The following SDHAF4 variants were observed in gnomAD, a reference collection of about 807,000 sequenced individuals.
The protein encoded by SDHAF4 is succinate dehydrogenase assembly factor 4, mitochondrial.
A neutral mutation model predicts 14.3 loss-of-function variants in SDHAF4; 14 were observed. That is an observed-to-expected ratio of 0.98 (90% CI 0.65 to 1.53). SDHAF4 has a LOEUF of 1.53. Among genes scored for constraint, SDHAF4 ranks in the 40% most tolerant of loss-of-function variants. The pLI is 0.00. For synonymous variants in SDHAF4, 63 were observed against 47.3 expected (o/e 1.33, Z -1.36); for missense variants, 141 against 129.3 (o/e 1.09, Z -0.44).
chr6:70,570,197 CATG>C (rs1183488298), intron 1 of SDHAF4, among the ~76,000 whole-genome samples: 4 of 152,114 alleles, frequency 2.6e-5, no homozygotes, highest in Non-Finnish European at 4.4e-5. Context: ...TGTACAGAAA[CATG>C]ATGCTTAATG....
At chr6:70,583,846 G>T (rs1462150616) in intron 2 of SDHAF4, among the ~76,000 whole-genome samples, 1 of 152,194 alleles carries the variant, frequency 6.6e-6, no homozygotes, top group Non-Finnish European at 1.5e-5. Flanking sequence ...TAGACACACA[G>T]GTTCAGCTCA....
intron 2 of SDHAF4, 22 bp downstream of exon 2, chr6:70,579,588 T>C: frequency 6.4e-7 from 1 of 1,551,806 alleles, no homozygotes; most frequent in East Asian, 2.3e-5. Context: ...AAAGCACCTC[T>C]CAGTTTTTGA....
At chr6:70,584,012 G>GGTTGCT (rs537762847) in intron 2 of SDHAF4, among the ~76,000 whole-genome samples, 1 of 151,336 alleles carries the variant, frequency 6.6e-6, no homozygotes, top group Non-Finnish European at 1.5e-5. Context: ...AGTTGAGTGA[G>GGTTGCT]GTTGTTGTTG....
chr6:70,570,882 CA>C (rs1391480321), intron 1 of SDHAF4, among the ~76,000 whole-genome samples: 1 of 151,038 alleles, frequency 6.6e-6, no homozygotes. Context: ...TCTTTTAAAC[CA>C]AAAAATCTCC....
chr6:70,570,182 G>A (rs1490290647), intron 1 of SDHAF4, among the ~76,000 whole-genome samples: 1 of 152,000 alleles, frequency 6.6e-6, no homozygotes, highest in Non-Finnish European at 1.5e-5. Flanking sequence ...TCTGACTGTT[G>A]TTTATGTACA....
At chr6:70,569,255 C>T (rs945480623) in intron 1 of SDHAF4, among the ~76,000 whole-genome samples, 38 of 151,856 alleles carry the variant, frequency 2.5e-4, no homozygotes, top group Admixed American at 2.2e-3. Context: ...TGAGCCACCG[C>T]ACCCGGCCTC....
chr6:70,590,246 A>G (rs1353097599), downstream of SDHAF4, among the ~76,000 whole-genome samples: 1 of 152,188 alleles, frequency 6.6e-6, no homozygotes. Flanking sequence ...TCAAAAAAAA[A>G]AATAAAAAGC....
At chr6:70,591,323 TGAGAG>T (rs1234505505), downstream of SDHAF4, among the ~76,000 whole-genome samples, 2 of 150,386 alleles carry the variant, frequency 1.3e-5, no homozygotes, top group Non-Finnish European at 3.0e-5. Context: ...CTAGGCGTTG[TGAGAG>T]GAAAGATTTT....
At chr6:70,575,406 T>G (rs1233363614) in intron 1 of SDHAF4, among the ~76,000 whole-genome samples, 2 of 149,724 alleles carry the variant, frequency 1.3e-5, no homozygotes, top group African/African-American at 4.9e-5. Context: ...CTGGTCAACA[T>G]GGTGAAATCC....
At chr6:70,587,168 TCACACACACACA>T (rs56012930) in intron 2 of SDHAF4, among the ~76,000 whole-genome samples, 3 of 135,448 alleles carry the variant, frequency 2.2e-5, no homozygotes, top group East Asian at 2.2e-4. Flanking sequence ...TGAAACTCCA[TCACACACACACA>T]CACACACACA....
At chr6:70,597,542 G>A in the SDHAF4 span, among the ~76,000 whole-genome samples, 2 of 152,142 alleles carry the variant, frequency 1.3e-5, no homozygotes, top group South Asian at 2.1e-4. Context: ...CATGCAAACA[G>A]TTCCAGAAGA....
rs1802294196 is a variant in SDHAF4, at chr6:70,579,460, A to C, written c.111A>C (p.Gln37His). ...CTCTGAGGAAAACAAGTTCTTCTCA[A>C]GGAGGAAAGTCTGAACTTGTCAAAC... The part of the protein sequence containing the change: ...CHSLRKTSSS[Q>H]GGKSELVKQS... The change falls in exon 2 of 3, where the codon CAA (glutamine) becomes CAC (histidine). Residue 37 changes from glutamine (Q) to histidine (H), a missense_variant. Coordinates refer to ENST00000370474, the MANE Select transcript of SDHAF4 (RefSeq NM_145267.3). The C allele has an allele frequency of 6.2e-7, 1 of 1,609,494 alleles. No homozygotes were observed. Among genetic ancestry groups the C allele is most frequent in the Admixed American group, 1.7e-5 (1 of 59,392 alleles).
chr6:70,588,668 C>G lies in SDHAF4; in HGVS notation c.271C>G (p.Pro91Ala). 1 of 1,604,868 alleles carries G rather than the reference C, an allele frequency of 6.2e-7. No individual in the cohort carries two copies. Among genetic ancestry groups the G allele is most frequent in the East Asian group, 2.2e-5 (1 of 44,820 alleles). ...VTKEKGGPRGPEPTRYGDWER... is the reference protein window; with the variant it reads ...VTKEKGGPRGAEPTRYGDWER... ...CAAAGAAAAAGGTGGACCCAGGGGCCCAGAACCTACCCGATATGGAGATTG... is the reference window on the plus strand; with the variant it reads ...CAAAGAAAAAGGTGGACCCAGGGGCGCAGAACCTACCCGATATGGAGATTG... The change falls in exon 3 of 3, where the codon CCA (proline) becomes GCA (alanine). Residue 91 changes from proline (P) to alanine (A), a missense_variant. Pro to Ala is a conservative substitution (Grantham distance 27, BLOSUM62 -1). Coordinates refer to ENST00000370474, the MANE Select transcript of SDHAF4 (RefSeq NM_145267.3).
At chr6:70,593,121 T>C (rs1463947944), downstream of SDHAF4, among the ~76,000 whole-genome samples, 2 of 152,186 alleles carry the variant, frequency 1.3e-5, no homozygotes, top group Non-Finnish European at 2.9e-5. Context: ...GACCTGCCAC[T>C]CCAAAAGGTC....
At position 70,579,690 on chromosome 6, in the gene SDHAF4, C is replaced by T. The variant is rs554054967; in HGVS notation, c.217+124C>T. The stretch of plus-strand genomic sequence containing the variant: ...AATTCTGTAGTAATAAAGCATATTT[C>T]AACAATGAGTAAAATCACCATATTG... On this transcript the variant is annotated intron_variant, in intron 2 of 2. Transcript: ENST00000370474. The T allele has an allele frequency of 2.5e-3, 1,768 of 706,356 alleles. 5 individuals are homozygous for T. Among genetic ancestry groups the T allele is most frequent in the Non-Finnish European group, 3.3e-3 (1,528 of 467,704 alleles). 43.8% of individuals were successfully genotyped at this position (706,356 alleles called of 1,614,324 possible).
intron 1 of SDHAF4, among the ~76,000 whole-genome samples, chr6:70,570,139 A>G (rs919163855): frequency 2.6e-5 from 4 of 152,208 alleles, no homozygotes; most frequent in Non-Finnish European, 4.4e-5. Flanking sequence ...CTTGATAATT[A>G]TAGCCATAAC....
chr6:70,582,080 T>G (rs1765138049), intron 2 of SDHAF4, among the ~76,000 whole-genome samples: 1 of 152,138 alleles, frequency 6.6e-6, no homozygotes, highest in Non-Finnish European at 1.5e-5. Flanking sequence ...TTAGATTTAT[T>G]TGATTGATTG....
At chr6:70,594,458 A>G (rs1333179536), downstream of SDHAF4, among the ~76,000 whole-genome samples, 1 of 152,110 alleles carries the variant, frequency 6.6e-6, no homozygotes, top group African/African-American at 2.4e-5. Flanking sequence ...ATAAGAGTAG[A>G]AACACCTGAG....
downstream of SDHAF4, among the ~76,000 whole-genome samples, chr6:70,593,667 A>G (rs538300424): frequency 6.6e-6 from 1 of 151,512 alleles, no homozygotes; most frequent in African/African-American, 2.4e-5. Flanking sequence ...AAAAGAGATT[A>G]TTTTCCAGCT....
Sources: allele counts gnomAD v4.1 joint callset (sites outside exome capture counted in the v4.1 genomes callset), GRCh38; gene constraint gnomAD v4.1.1; transcripts MANE v1.5; gene names NCBI Gene and HGNC (gene_info 2026-07-23, HGNC 2026-07-21).